The following SPATS2L variants were observed in gnomAD, a reference collection of about 807,000 sequenced individuals.
SPATS2L encodes SPATS2-like protein.
Under a neutral mutation model 59.6 loss-of-function variants are expected in SPATS2L, and 30 were observed. The ratio of observed to expected loss-of-function variants is 0.50; its 90% CI spans 0.38 to 0.68. The LOEUF (loss-of-function observed/expected upper bound fraction) is 0.68. Ranked by LOEUF, SPATS2L falls within the 30% of genes least tolerant of loss-of-function variation. SPATS2L has a pLI of 0.00. For missense variants in SPATS2L, 615 were observed against 700.0 expected, an observed-to-expected ratio of 0.88 and a Z score of 1.37; for synonymous variants, 252 against 263.5, an observed-to-expected ratio of 0.96 and a Z score of 0.42.
Position 200,306,715 on chromosome 2 carries a change from A to C in SPATS2L, c.-280A>C. 1.0e-6 allele frequency: 1 copy of C among 981,496 alleles called. No homozygotes were observed. Among genetic ancestry groups the C allele is most frequent in the South Asian group, 4.8e-5 (1 of 20,958 alleles). The allele number at this position is 981,496 out of a possible 1,614,324, so 60.8% of individuals were successfully genotyped here. On this transcript the variant is annotated 5_prime_UTR_variant, in exon 1 of 13. Coordinates refer to ENST00000409140, the MANE Select transcript of SPATS2L (RefSeq NM_001100423.2). Reference sequence around the variant, plus strand: ...CGGAGTTGTGTCAGTGAAGGAATCCAGTCCGGGGGCCGAGCTGGCTGCGCC... The same window carrying C: ...CGGAGTTGTGTCAGTGAAGGAATCCCGTCCGGGGGCCGAGCTGGCTGCGCC...
At chr2:200,458,973 C>T (rs2086050199) in intron 8 of SPATS2L, among the ~76,000 whole-genome samples, 2 of 152,286 alleles carry the variant, frequency 1.3e-5, no homozygotes, top group South Asian at 2.1e-4. Flanking sequence ...CCCTGCACAG[C>T]TCCCTGCCTT....
intron 10 of SPATS2L, 88 bp downstream of exon 10, chr2:200,467,487 T>C: frequency 1.1e-6 from 1 of 907,830 alleles, no homozygotes; most frequent in Non-Finnish European, 1.8e-6. Context: ...TTCTGCTCTC[T>C]GAGGATCTAA....
chr2:200,400,592 ATACTT>A (rs2082494819), intron 3 of SPATS2L, among the ~76,000 whole-genome samples: 1 of 152,226 alleles, frequency 6.6e-6, no homozygotes. Flanking sequence ...AAGATTTAAA[ATACTT>A]TAGTTCATTT....
chr2:200,399,272 T>C (rs2082447106), intron 3 of SPATS2L, among the ~76,000 whole-genome samples: 2 of 152,162 alleles, frequency 1.3e-5, no homozygotes, highest in Admixed American at 6.5e-5. Flanking sequence ...TCCCTGCTTC[T>C]ATGAGTTTGA....
At chr2:200,396,057 T>C (rs1200649326) in intron 3 of SPATS2L, among the ~76,000 whole-genome samples, 1 of 89,448 alleles carries the variant, frequency 1.1e-5, no homozygotes, top group Non-Finnish European at 2.2e-5. Flanking sequence ...TATATATATA[T>C]ATATATATAT....
chr2:200,411,083 A>G (rs2082861980), intron 3 of SPATS2L, among the ~76,000 whole-genome samples: 1 of 151,132 alleles, frequency 6.6e-6, no homozygotes, highest in Admixed American at 6.6e-5. Context: ...TTTAGCACTT[A>G]TAAAATGTCA....
chr2:200,365,540 A>G (rs1162261119), intron 2 of SPATS2L, among the ~76,000 whole-genome samples: 2 of 152,234 alleles, frequency 1.3e-5, no homozygotes, highest in African/African-American at 2.4e-5. Flanking sequence ...CTACCGTGAT[A>G]TACTCAGGCT....
intron 2 of SPATS2L, among the ~76,000 whole-genome samples, chr2:200,343,144 C>A (rs539402291): frequency 1.3e-5 from 2 of 152,278 alleles, no homozygotes; most frequent in East Asian, 1.9e-4. Context: ...CTAGCTGATG[C>A]ATGTAATCAG....
At chr2:200,306,273 A>G (rs982752169), upstream of SPATS2L, 6 of 1,002,244 alleles carry the variant, frequency 6.0e-6, no homozygotes, top group South Asian at 4.7e-5. Context: ...GTGCTGAGGG[A>G]GCAAAGTTCA....
At chr2:200,424,675 A>G (rs16833236) in intron 6 of SPATS2L, among the ~76,000 whole-genome samples, 23,348 of 152,044 alleles carry the variant, frequency 0.15, 2,236 homozygotes, top group African/African-American at 0.26. Context: ...ACTTGTCTCC[A>G]CTTAGGCCAG....
At chr2:200,432,229 G>C (rs2083980145) in intron 6 of SPATS2L, among the ~76,000 whole-genome samples, 1 of 152,210 alleles carries the variant, frequency 6.6e-6, no homozygotes, top group Non-Finnish European at 1.5e-5. Flanking sequence ...ATCAGATGCT[G>C]CAGCATAGAA....
At chr2:200,420,422 A>G (rs2083261650) in intron 6 of SPATS2L, among the ~76,000 whole-genome samples, 1 of 152,218 alleles carries the variant, frequency 6.6e-6, no homozygotes, top group African/African-American at 2.4e-5. Context: ...CTTATAATGA[A>G]TCACTTTGCA....
At chr2:200,406,808 A>G (rs1186619259) in intron 3 of SPATS2L, among the ~76,000 whole-genome samples, 1 of 152,196 alleles carries the variant, frequency 6.6e-6, no homozygotes, top group Non-Finnish European at 1.5e-5. Flanking sequence ...GCAGTGCCTG[A>G]TCATAGTAGA....
intron 1 of SPATS2L, among the ~76,000 whole-genome samples, chr2:200,327,488 A>G (rs897926581): frequency 6.6e-6 from 1 of 152,204 alleles, no homozygotes; most frequent in African/African-American, 2.4e-5. Flanking sequence ...GAATTTACCA[A>G]AGTGCTGCTT....
chr2:200,308,764 T>C (rs192431564), intron 1 of SPATS2L: 2 of 409,090 alleles, frequency 4.9e-6, no homozygotes, highest in Admixed American at 8.2e-5. Context: ...CTGTATTAAT[T>C]GGCAATTTTC....
intron 1 of SPATS2L, among the ~76,000 whole-genome samples, chr2:200,315,882 T>G (rs2105758058): frequency 2.2e-5 from 3 of 136,384 alleles, no homozygotes; most frequent in Admixed American, 7.5e-5. Context: ...AAAAAGAGCC[T>G]GGCATGGTGG....
intron 2 of SPATS2L, among the ~76,000 whole-genome samples, chr2:200,346,878 A>G (rs1342820866): frequency 6.6e-6 from 1 of 151,976 alleles, no homozygotes; most frequent in Admixed American, 6.5e-5. Context: ...AGGATTTTTA[A>G]CAACACTTTT....
intron 8 of SPATS2L, among the ~76,000 whole-genome samples, chr2:200,445,764 G>GTT (rs11355899): frequency 6.6e-6 from 1 of 151,308 alleles, no homozygotes; most frequent in African/African-American, 2.4e-5. Flanking sequence ...ATGTTGATTG[G>GTT]TTTTTTTTTT....
chr2:200,452,438 G>T (rs1285912521), intron 8 of SPATS2L, among the ~76,000 whole-genome samples: 2 of 152,166 alleles, frequency 1.3e-5, no homozygotes, highest in Non-Finnish European at 2.9e-5. Flanking sequence ...TATTACTAAT[G>T]TTGAGAGTTA....
Sources: gnomAD v4.1 joint callset for allele counts (sites outside exome capture counted in the v4.1 genomes callset) on GRCh38, gnomAD v4.1.1 for gene constraint, MANE v1.5 for transcripts, NCBI Gene and HGNC (gene_info 2026-07-23, HGNC 2026-07-21) for gene names.